The following NRG1 variants were observed in gnomAD, a reference collection of about 807,000 sequenced individuals.
NRG1 encodes neuregulin 1.
NRG1 carries 18 observed loss-of-function variants against 63.8 expected under a neutral mutation model. That is an observed-to-expected ratio of 0.28 (90% CI 0.19 to 0.42). The LOEUF (loss-of-function observed/expected upper bound fraction) is 0.42. Ranked by LOEUF, NRG1 falls within the 10% of genes least tolerant of loss-of-function variation. The probability of loss-of-function intolerance (pLI) is 1.00; values close to 1 mark genes in which losing one functional copy is unlikely to be tolerated. For synonymous variants in NRG1, 302 were observed against 301.3 expected (o/e 1.00, Z -0.02); for missense variants, 762 against 814.7 (o/e 0.94, Z 0.79).
chr8:32,084,545 T>C (rs1827944294), intron 1 of NRG1, among the ~76,000 whole-genome samples: 1 of 152,216 alleles, frequency 6.6e-6, no homozygotes, highest in South Asian at 2.1e-4. Flanking sequence ...ATACAAACAC[T>C]GGTCTAATTG....
chr8:31,986,243 G>A (rs327372), intron 1 of NRG1, among the ~76,000 whole-genome samples: 128,822 of 152,074 alleles, frequency 0.85, 55,450 homozygotes, highest in African/African-American at 0.96. Flanking sequence ...TGGCTAAAGT[G>A]CATCAGTAAG....
At chr8:31,848,843 G>C (rs1826938113) in intron 1 of NRG1, among the ~76,000 whole-genome samples, 1 of 152,122 alleles carries the variant, frequency 6.6e-6, no homozygotes. Context: ...ACATTACGGT[G>C]AGTTGTACAA....
chr8:32,479,760 C>T (rs1469158034), intron 1 of NRG1, among the ~76,000 whole-genome samples: 1 of 152,210 alleles, frequency 6.6e-6, no homozygotes, highest in South Asian at 2.1e-4. Context: ...AGTGATTCCC[C>T]TGCCTCAGCC....
intron 1 of NRG1, among the ~76,000 whole-genome samples, chr8:31,757,625 T>C (rs1463214299): frequency 2.0e-5 from 3 of 152,108 alleles, no homozygotes; most frequent in Admixed American, 1.3e-4. Context: ...TGAAGAAATC[T>C]TATTTCAACT....
intron 1 of NRG1, among the ~76,000 whole-genome samples, chr8:31,929,779 A>C (rs1482922495): frequency 6.6e-6 from 1 of 152,182 alleles, no homozygotes; most frequent in Non-Finnish European, 1.5e-5. Context: ...TCATTTCTAA[A>C]AACTGTATTT....
intron 1 of NRG1, among the ~76,000 whole-genome samples, chr8:32,451,982 C>T (rs1164358845): frequency 2.0e-5 from 3 of 152,076 alleles, no homozygotes; most frequent in Non-Finnish European, 4.4e-5. Context: ...CGTGCTACCA[C>T]GCCCCACTAC....
At chr8:32,750,137 A>G (rs1201964472) in intron 7 of NRG1, among the ~76,000 whole-genome samples, 1 of 152,212 alleles carries the variant, frequency 6.6e-6, no homozygotes, top group East Asian at 1.9e-4. Flanking sequence ...TTTTCTGGAG[A>G]TACTCAAGCA....
chr8:31,962,860 C>T (rs937836618), intron 1 of NRG1, among the ~76,000 whole-genome samples: 1 of 152,136 alleles, frequency 6.6e-6, no homozygotes, highest in African/African-American at 2.4e-5. Flanking sequence ...AATGAGATGA[C>T]ATACTAGGGC....
chr8:32,385,788 C>G (rs1368472517), intron 1 of NRG1, among the ~76,000 whole-genome samples: 1 of 152,106 alleles, frequency 6.6e-6, no homozygotes. Context: ...GGACACAGAT[C>G]CAAGCCATAT....
intron 1 of NRG1, among the ~76,000 whole-genome samples, chr8:32,284,313 A>G (rs986362437): frequency 2.0e-5 from 3 of 151,976 alleles, no homozygotes; most frequent in African/African-American, 7.3e-5. Flanking sequence ...GTAATTTTCC[A>G]TCCACTGACC....
At chr8:32,191,088 AT>A (rs113888865) in intron 1 of NRG1, among the ~76,000 whole-genome samples, 4,747 of 145,748 alleles carry the variant, frequency 0.033, 188 homozygotes, top group African/African-American at 0.1. Flanking sequence ...CAGTTATTAG[AT>A]TTTTTTTTTT....
At chr8:32,397,151 G>T (rs139730515) in intron 1 of NRG1, among the ~76,000 whole-genome samples, 2 of 152,088 alleles carry the variant, frequency 1.3e-5, no homozygotes, top group African/African-American at 4.8e-5. Flanking sequence ...TAGATACATA[G>T]ATAGATAATC....
chr8:31,649,513 T>G (rs958406911), intron 1 of NRG1, among the ~76,000 whole-genome samples: 1 of 152,222 alleles, frequency 6.6e-6, no homozygotes, highest in African/African-American at 2.4e-5. Context: ...GAAGCAAAAG[T>G]TCTCAGAAAA....
At chr8:32,312,607 G>A (rs80087307) in intron 1 of NRG1, among the ~76,000 whole-genome samples, 438 of 152,184 alleles carry the variant, frequency 2.9e-3, no homozygotes, top group African/African-American at 0.01. Flanking sequence ...CACTGAGGCA[G>A]GACAGCCCTG....
intron 1 of NRG1, among the ~76,000 whole-genome samples, chr8:32,399,494 C>T (rs1812888128): frequency 6.6e-6 from 1 of 152,172 alleles, no homozygotes; most frequent in Non-Finnish European, 1.5e-5. Flanking sequence ...CACCTGAGGT[C>T]AGGAGTTCGA....
At chr8:31,919,880 GA>G (rs1833756400) in intron 1 of NRG1, among the ~76,000 whole-genome samples, 1 of 152,096 alleles carries the variant, frequency 6.6e-6, no homozygotes, top group South Asian at 2.1e-4. Context: ...GGGTAGAAGA[GA>G]AAAAAACATT....
chr8:32,726,363 C>A (rs1051924252), intron 5 of NRG1, among the ~76,000 whole-genome samples: 1 of 151,942 alleles, frequency 6.6e-6, no homozygotes. Flanking sequence ...TTATTTATAA[C>A]CTCTACAGAA....
intron 1 of NRG1, among the ~76,000 whole-genome samples, chr8:31,676,306 G>A (rs992346315): frequency 6.6e-6 from 1 of 152,036 alleles, no homozygotes; most frequent in Non-Finnish European, 1.5e-5. Context: ...TAAATTTTGG[G>A]TCCCCAAAGA....
At chr8:32,706,924 A>G (rs981651541) in intron 5 of NRG1, among the ~76,000 whole-genome samples, 1 of 152,120 alleles carries the variant, frequency 6.6e-6, no homozygotes, top group Non-Finnish European at 1.5e-5. Flanking sequence ...TTGCAGATAA[A>G]TGCTATTTAA....
Sources: allele counts gnomAD v4.1 joint callset (sites outside exome capture counted in the v4.1 genomes callset), GRCh38; gene constraint gnomAD v4.1.1; transcripts MANE v1.5; gene names NCBI Gene and HGNC (gene_info 2026-07-23, HGNC 2026-07-21).